Variants in PRR16 observed in about 807,000 individuals in gnomAD.
PRR16 encodes the protein proline rich 16.
Under a neutral mutation model 18.2 loss-of-function variants are expected in PRR16, and 6 were observed. That is an observed-to-expected ratio of 0.33 (90% CI 0.18 to 0.65). The LOEUF (loss-of-function observed/expected upper bound fraction) is 0.65. Ranked by LOEUF, PRR16 falls within the 30% of genes least tolerant of loss-of-function variation. The probability of loss-of-function intolerance (pLI) is 0.74; values close to 1 mark genes in which losing one functional copy is unlikely to be tolerated. For synonymous variants in PRR16, 151 were observed against 147.8 expected, an observed-to-expected ratio of 1.02 and a Z score of -0.16; for missense variants, 412 against 376.6, an observed-to-expected ratio of 1.09 and a Z score of -0.78.
the PRR16 span, among the ~76,000 whole-genome samples, chr5:120,716,011 A>G: frequency 6.6e-6 from 1 of 152,292 alleles, no homozygotes. Flanking sequence ...TCAGCCTCCA[A>G]TATGTCTCAT....
At chr5:120,614,276 T>C (rs942667507) in intron 1 of PRR16, among the ~76,000 whole-genome samples, 1 of 152,232 alleles carries the variant, frequency 6.6e-6, no homozygotes, top group African/African-American at 2.4e-5. Context: ...CTGTGGGCTT[T>C]TTTGTATCTT....
intron 1 of PRR16, among the ~76,000 whole-genome samples, chr5:120,614,822 C>T (rs1363466914): frequency 1.3e-5 from 2 of 152,162 alleles, no homozygotes; most frequent in African/African-American, 4.8e-5. Context: ...GGGATTCTGG[C>T]AGTACATGCA....
At chr5:120,664,942 T>C (rs897819033) in intron 1 of PRR16, among the ~76,000 whole-genome samples, 5 of 151,982 alleles carry the variant, frequency 3.3e-5, no homozygotes, top group African/African-American at 4.8e-5. Context: ...TTTATAGCAG[T>C]GTGATTTATA....
chr5:120,635,623 G>A (rs1755202026), intron 1 of PRR16, among the ~76,000 whole-genome samples: 1 of 152,044 alleles, frequency 6.6e-6, no homozygotes, highest in African/African-American at 2.4e-5. Context: ...ATACCTTAAG[G>A]TAGTAAAAAC....
chr5:120,497,737 A>G (rs1750304694), intron 1 of PRR16, among the ~76,000 whole-genome samples: 2 of 151,910 alleles, frequency 1.3e-5, no homozygotes, highest in Non-Finnish European at 1.5e-5. Context: ...AGAAATGAAC[A>G]TCATATAATG....
At chr5:120,708,573 T>C in the PRR16 span, among the ~76,000 whole-genome samples, 2 of 152,160 alleles carry the variant, frequency 1.3e-5, no homozygotes, top group Non-Finnish European at 2.9e-5. Context: ...TTATTAATGT[T>C]GAGGAAATAA....
chr5:120,710,652 T>G, the PRR16 span: 1 of 152,130 alleles, frequency 6.6e-6, no homozygotes, highest in Non-Finnish European at 1.5e-5. Flanking sequence ...ACAAGATTAG[T>G]CGCTCAAAAA....
At chr5:120,558,276 A>C (rs1752477201) in intron 1 of PRR16, among the ~76,000 whole-genome samples, 1 of 151,708 alleles carries the variant, frequency 6.6e-6, no homozygotes, top group African/African-American at 2.4e-5. Flanking sequence ...TTAACCATCC[A>C]CACCTACCCA....
chr5:120,695,868 T>C, the PRR16 span, among the ~76,000 whole-genome samples: 2 of 152,064 alleles, frequency 1.3e-5, no homozygotes, highest in Non-Finnish European at 2.9e-5. Flanking sequence ...CTGTAGATTT[T>C]CACCATTTAT....
intron 1 of PRR16, among the ~76,000 whole-genome samples, chr5:120,513,289 C>G (rs1183808110): frequency 6.6e-6 from 1 of 152,168 alleles, no homozygotes; most frequent in African/African-American, 2.4e-5. Context: ...TTGTATTTAG[C>G]TACCTGCAGG....
At chr5:120,606,787 G>T (rs1446136853) in intron 1 of PRR16, among the ~76,000 whole-genome samples, 1 of 152,028 alleles carries the variant, frequency 6.6e-6, no homozygotes, top group African/African-American at 2.4e-5. Flanking sequence ...TATGCCTGTG[G>T]TGCCAGCTAC....
downstream of PRR16, among the ~76,000 whole-genome samples, chr5:120,692,023 T>A (rs1757214948): frequency 6.6e-6 from 1 of 152,196 alleles, no homozygotes; most frequent in African/African-American, 2.4e-5. Context: ...CCCATGATCT[T>A]AGGGCCAGTA....
chr5:120,583,313 ATGTGTGTGTGTGTG>A (rs35255792), intron 1 of PRR16, among the ~76,000 whole-genome samples: 9 of 149,014 alleles, frequency 6.0e-5, no homozygotes, highest in South Asian at 2.1e-4. Context: ...ATACAAAATA[ATGTGTGTGTGTGTG>A]TGTGTGTGTG....
rs200975756 is a variant in PRR16 at position 120,497,821 on chromosome 5, A to AT, written c.159+33183dup. On this transcript the variant is annotated intron_variant, in intron 1 of 1. Transcript: ENST00000407149. Reference sequence around the variant, plus strand: ...TTATCATATACATAACATTATATATATTTTTTTATTTGAAATTTACCTGCT... The same window carrying AT: ...TTATCATATACATAACATTATATATATTTTTTTTATTTGAAATTTACCTGCT... Among the ~76,000 whole-genome samples, 952 of 151,420 alleles carry AT rather than the reference A, an allele frequency of 6.3e-3. 15 individuals carry two copies. Among genetic ancestry groups the AT allele is most frequent in the African/African-American group, 0.022 (914 of 41,368 alleles).
At chr5:120,500,515 A>C (rs1750413205) in intron 1 of PRR16, among the ~76,000 whole-genome samples, 1 of 152,240 alleles carries the variant, frequency 6.6e-6, no homozygotes, top group South Asian at 2.1e-4. Flanking sequence ...CCAAAACATT[A>C]AACTTATTCT....
chr5:120,527,815 G>C (rs1048388142), intron 1 of PRR16, among the ~76,000 whole-genome samples: 3 of 152,128 alleles, frequency 2.0e-5, no homozygotes, highest in Non-Finnish European at 4.4e-5. Flanking sequence ...ATACATCAAA[G>C]GCAATGCCAA....
chr5:120,647,423 G>A (rs1283587143), intron 1 of PRR16, among the ~76,000 whole-genome samples: 2 of 151,858 alleles, frequency 1.3e-5, no homozygotes, highest in East Asian at 1.9e-4. Flanking sequence ...TAAATAGTCT[G>A]TATGTAACTG....
At chr5:120,770,259 T>C in the PRR16 span, among the ~76,000 whole-genome samples, 2 of 151,940 alleles carry the variant, frequency 1.3e-5, no homozygotes, top group East Asian at 3.9e-4. Flanking sequence ...CATAAGCCAG[T>C]AGAACAGAAT....
chr5:120,527,193 G>T (rs992960838), intron 1 of PRR16, among the ~76,000 whole-genome samples: 1 of 152,058 alleles, frequency 6.6e-6, no homozygotes. Context: ...ACCAATATTT[G>T]TATAACAAAC....
Sources: allele counts gnomAD v4.1 joint callset (sites outside exome capture counted in the v4.1 genomes callset), GRCh38; gene constraint gnomAD v4.1.1; transcripts MANE v1.5; gene names NCBI Gene and HGNC (gene_info 2026-07-23, HGNC 2026-07-21).